Variants in ECT2 observed in about 807,000 individuals in gnomAD.
The protein encoded by ECT2 is epithelial cell transforming 2, also known as protein ECT2.
In ECT2, 61 loss-of-function variants were observed where a neutral mutation model predicts 116.9. The ratio of observed to expected loss-of-function variants is 0.52; its 90% confidence interval spans 0.42 to 0.65. ECT2 has a LOEUF of 0.65. Ranked by LOEUF, ECT2 falls within the 30% of genes least tolerant of loss-of-function variation. The pLI is 0.00. For synonymous variants in ECT2, 358 were observed against 346.4 expected, an observed-to-expected ratio of 1.03 and a Z score of -0.37; for missense variants, 937 against 1,078.7, an observed-to-expected ratio of 0.87 and a Z score of 1.84.
intron 20 of ECT2, among the ~76,000 whole-genome samples, chr3:172,803,307 A>G (rs1234484983): frequency 4.6e-5 from 7 of 152,118 alleles, no homozygotes; most frequent in Admixed American, 1.3e-4. Flanking sequence ...AATAATTCTG[A>G]GTTTTTTGAA....
At chr3:172,823,224 CAA>C (rs1254498857), downstream of ECT2, among the ~76,000 whole-genome samples, 1 of 151,808 alleles carries the variant, frequency 6.6e-6, no homozygotes, top group Non-Finnish European at 1.5e-5. Context: ...TCAATATAAA[CAA>C]AGTTAAAAAC....
chr3:172,828,743 G>T, the ECT2 span: 1 of 553,720 alleles, frequency 1.8e-6, no homozygotes, highest in East Asian at 3.5e-5. Flanking sequence ...ACGTGGCGAA[G>T]AGGATGAGGA....
chr3:172,758,492 C>G (rs371924045), intron 5 of ECT2, among the ~76,000 whole-genome samples: 1 of 132,980 alleles, frequency 7.5e-6, no homozygotes, highest in South Asian at 2.4e-4. Flanking sequence ...CACAGACACA[C>G]ACACACACAA....
intron 24 of ECT2, 92 bp downstream of exon 24, chr3:172,816,929 T>C (rs1325020057): frequency 4.5e-6 from 5 of 1,101,664 alleles, no homozygotes; most frequent in Admixed American, 2.5e-5. Flanking sequence ...ATTTCTTCCA[T>C]TTTAAAAAAA....
chr3:172,770,047 T>C (rs1720312156), intron 13 of ECT2, among the ~76,000 whole-genome samples: 1 of 152,170 alleles, frequency 6.6e-6, no homozygotes, highest in African/African-American at 2.4e-5. Context: ...TGGAAAGACT[T>C]CTTACTTGAT....
At position 172,757,042 on chromosome 3, in the gene ECT2, T is replaced by C; in HGVS notation, c.363T>C (p.Ser121=). The change falls in exon 5 of 25, where the codon TCT becomes TCC. Residue 121 remains serine, a synonymous_variant. Coordinates refer to ENST00000392692, the MANE Select transcript of ECT2 (RefSeq NM_001258315.2). ...ESVEEFEGLD[S]PEFENVFVVT... is the part of the protein sequence containing the mutation. ...TGGAAGAATTTGAAGGTTTGGATTC[T>C]CCGGAATTTGAAAATGTATTTGTAG... The C allele has an allele frequency of 6.2e-7, 1 of 1,612,072 alleles. No homozygotes were observed.
intron 18 of ECT2, among the ~76,000 whole-genome samples, chr3:172,800,950 T>C (rs895863197): frequency 6.6e-6 from 1 of 152,212 alleles, no homozygotes; most frequent in African/African-American, 2.4e-5. Flanking sequence ...TTTGTTGTTA[T>C]GAGGCTAACA....
intron 21 of ECT2, among the ~76,000 whole-genome samples, chr3:172,807,335 G>T (rs1727955216): frequency 6.6e-6 from 1 of 152,116 alleles, no homozygotes; most frequent in Non-Finnish European, 1.5e-5. Flanking sequence ...GTCAGCAGTT[G>T]ATTGAATCCA....
chr3:172,783,693 A>G, intron 15 of ECT2, 106 bp from the exon 16 acceptor site: 1 of 693,736 alleles, frequency 1.4e-6, no homozygotes, highest in Non-Finnish European at 2.5e-6. Flanking sequence ...AAACTTTTGC[A>G]TCCACTATGT....
chr3:172,800,179 A>G (rs1160355541), intron 18 of ECT2, among the ~76,000 whole-genome samples: 1 of 152,246 alleles, frequency 6.6e-6, no homozygotes, highest in Non-Finnish European at 1.5e-5. Flanking sequence ...GTTATACCCA[A>G]TTAAATCAGA....
At chr3:172,812,264 A>G (rs1728911620) in intron 22 of ECT2, among the ~76,000 whole-genome samples, 1 of 152,218 alleles carries the variant, frequency 6.6e-6, no homozygotes, top group African/African-American at 2.4e-5. Context: ...TGCTGGGATT[A>G]CAGGTGTGAG....
rs1483011254 is a variant in ECT2 at position 172,774,049 on chromosome 3, G to C, written c.1548+27G>C. On this transcript the variant is annotated intron_variant, in intron 14 of 24. Coordinates refer to ENST00000392692, the MANE Select transcript of ECT2 (RefSeq NM_001258315.2). ...TAAATTTGTATATGTTAGATTGGTA[G>C]TAATTTTTTTCAGATTGTACATATT... The C allele has an allele frequency of 3.1e-6, 5 of 1,598,918 alleles. No individual in the cohort carries two copies. In the East Asian group the frequency reaches 1.1e-4, roughly 36 times the overall value.
At chr3:172,779,284 C>G (rs1241737605) in intron 14 of ECT2, among the ~76,000 whole-genome samples, 2 of 152,100 alleles carry the variant, frequency 1.3e-5, no homozygotes, top group Non-Finnish European at 2.9e-5. Context: ...TAATATTTTT[C>G]TTTCTTTTTT....
At chr3:172,753,190 C>T (rs113430955) in intron 1 of ECT2, among the ~76,000 whole-genome samples, 1 of 152,104 alleles carries the variant, frequency 6.6e-6, no homozygotes, top group African/African-American at 2.4e-5. Context: ...ACCTCAAACT[C>T]CTGGATTCAA....
At chr3:172,787,522 A>G (rs1469709979) in intron 18 of ECT2, among the ~76,000 whole-genome samples, 1 of 152,116 alleles carries the variant, frequency 6.6e-6, no homozygotes, top group Non-Finnish European at 1.5e-5. Context: ...GGCCAAGTGT[A>G]TATACTTTTT....
rs780633843 is a variant in ECT2 at position 172,773,906 on chromosome 3, T to C, written c.1432T>C (p.Phe478Leu). The C allele has an allele frequency of 1.2e-6, 2 of 1,613,038 alleles. No homozygotes were observed. Among genetic ancestry groups the C allele is most frequent in the South Asian group, 2.2e-5 (2 of 90,918 alleles). The change falls in exon 14 of 25, where the codon TTT becomes CTT. Residue 478 changes from phenylalanine (F) to leucine (L), a missense_variant. By Grantham distance (22) the Phe-to-Leu change is conservative. Coordinates refer to ENST00000392692, the MANE Select transcript of ECT2 (RefSeq NM_001258315.2). The part of the protein sequence containing the change: ...VNILATIIQL[F>L]QVPLEEEGQR... ...ACTAGTCTTTTTTCTCATTTAGTTA[T>C]TTCAAGTACCATTGGAAGAGGAAGG...
chr3:172,802,829 G>T (rs759616742), intron 19 of ECT2, 32 bp from the exon 20 acceptor site: 12 of 1,586,716 alleles, frequency 7.6e-6, no homozygotes, highest in South Asian at 1.2e-5. Flanking sequence ...GATACCAAGT[G>T]ATCTCTTTTG....
downstream of ECT2, among the ~76,000 whole-genome samples, chr3:172,822,033 ATTAAC>A (rs148807874): frequency 0.062 from 9,415 of 151,958 alleles, 335 homozygotes; most frequent in Middle Eastern, 0.095. Flanking sequence ...ATTAAATATA[ATTAAC>A]TTCTCTATTG....
chr3:172,786,607 CT>C, intron 18 of ECT2, 33 bp downstream of exon 18: 1 of 1,406,658 alleles, frequency 7.1e-7, no homozygotes, highest in Non-Finnish European at 9.9e-7. Flanking sequence ...TTGATTGTGC[CT>C]TAGATTTCGA....
Sources: gnomAD v4.1 joint callset for allele counts (sites outside exome capture counted in the v4.1 genomes callset) on GRCh38, gnomAD v4.1.1 for gene constraint, MANE v1.5 for transcripts, NCBI Gene and HGNC (gene_info 2026-07-23, HGNC 2026-07-21) for gene names.